POLD2: variants seen among roughly 807,000 people sequenced by gnomAD.
The protein encoded by POLD2 is DNA polymerase delta subunit 2.
Under a neutral mutation model 48.8 loss-of-function variants are expected in POLD2, and 31 were observed. The observed-to-expected ratio is 0.64, with a 90% CI of 0.48 to 0.86. The LOEUF is 0.86. POLD2 is among the 40% of genes least tolerant of loss of function. The pLI is 0.00. For missense variants in POLD2, 455 were observed against 610.1 expected, an observed-to-expected ratio of 0.75 and a Z score of 2.68; for synonymous variants, 233 against 256.3, an observed-to-expected ratio of 0.91 and a Z score of 0.87.
chr7:44,121,948 A>G lies in POLD2; in HGVS notation c.106T>C (p.Ser36Pro). 6.2e-7 allele frequency: 1 copy of G among 1,613,898 alleles called. No homozygotes were observed. The highest frequency in any genetic ancestry group is 8.5e-7 in the Non-Finnish European group (1 of 1,180,034). ...CGCTCTCCTAGCCGGAAGGGTTGTGAGGAGTTGGTGTAGGTTGCCACTGGC... is the reference window on the plus strand; with the variant it reads ...CGCTCTCCTAGCCGGAAGGGTTGTGGGGAGTTGGTGTAGGTTGCCACTGGC... ...RVPVATYTNS[S>P]QPFRLGERSF... Residue 36 changes from serine (S) to proline (P), a missense_variant, in exon 2 of 11, where the codon TCA (serine) becomes CCA (proline). Transcript: ENST00000610533. The surrounding 1 kb of genome is among the most constrained non-coding windows in gnomAD (Gnocchi z 4.5).
chr7:44,123,804 G>C (rs1005634751), upstream of POLD2: 5 of 987,820 alleles, frequency 5.1e-6, no homozygotes, highest in East Asian at 6.7e-5. Flanking sequence ...TGGGCTGACG[G>C]GGGGTGTCGG....
At chr7:44,115,738 T>C in intron 9 of POLD2, 28 bp downstream of exon 9, 2 of 1,610,838 alleles carry the variant, frequency 1.2e-6, no homozygotes, top group Non-Finnish European at 1.7e-6. Context: ...GGCCCTCTGC[T>C]CCCACCCTGT....
intron 9 of POLD2, 161 bp downstream of exon 9, chr7:44,115,605 C>T: frequency 1.2e-6 from 1 of 853,112 alleles, no homozygotes; most frequent in South Asian, 1.8e-5. Context: ...AATTAAGATT[C>T]CAGAGTAGCT....
rs2096247590 is a variant in POLD2 at position 44,121,118 on chromosome 7, A to C, written c.220+716T>G. Among the ~76,000 whole-genome samples the C allele has an allele frequency of 6.6e-6, 1 of 152,200 alleles. No individual in the cohort carries two copies. Among genetic ancestry groups the C allele is most frequent in the Admixed American group, 6.5e-5 (1 of 15,284 alleles). ...TCACCTACTAAATCCTCAGTTTAAA[A>C]ATATAATAGGAGATGGATTTGAAAA... On this transcript the variant is annotated intron_variant, in intron 2 of 10. Transcript: ENST00000610533. This position sits in a 1 kb window ranked among gnomAD's most constrained non-coding sequence, Gnocchi z 4.5.
At chr7:44,117,047 C>T (rs775120886) in intron 5 of POLD2, 32 bp from the exon 6 acceptor site, 35 of 1,610,204 alleles carry the variant, frequency 2.2e-5, no homozygotes, top group Admixed American at 1.3e-4. Context: ...TCCAGGGTGC[C>T]GAGAAGGGAG....
At position 44,117,116 on chromosome 7, in the gene POLD2, C is replaced by T. The variant is rs539335227; in HGVS notation, c.581+17G>A. ...CTGACCATGAGCTGGTTCCAGCTCC[C>T]GAGAACTGCTGCTCACCTATCTGTG... On this transcript the variant is annotated intron_variant, in intron 5 of 10. Transcript: ENST00000610533. 1.4e-5 allele frequency: 23 copies of T among 1,611,326 alleles called. No individual in the cohort carries two copies. The South Asian group carries it at 1.4e-4, about 10-fold the overall frequency.
At chr7:44,123,268 G>T in intron 1 of POLD2, 2 of 1,357,052 alleles carry the variant, frequency 1.5e-6, no homozygotes, top group Non-Finnish European at 1.9e-6. Context: ...CGTGTCTAAC[G>T]AGTGACTCGT....
At chr7:44,117,551 C>A (rs1302840444) in intron 4 of POLD2, 68 bp downstream of exon 4, 3 of 1,545,796 alleles carry the variant, frequency 1.9e-6, no homozygotes, top group Non-Finnish European at 2.6e-6. Flanking sequence ...CCCACTCACA[C>A]CATCCCTAAC....
intron 1 of POLD2, 186 bp downstream of exon 1, chr7:44,123,325 C>A: frequency 7.3e-7 from 1 of 1,365,894 alleles, no homozygotes; most frequent in Non-Finnish European, 9.4e-7. Context: ...GCAGCCAGGC[C>A]GCGCTACTCG....
Position 44,115,868 on chromosome 7 carries a change from C to T in POLD2, c.1045G>A (p.Val349Met), listed in dbSNP as rs756163235. The change falls in exon 9 of 11, where the codon GTG becomes ATG. Residue 349 changes from valine to methionine, a missense_variant. Val to Met is a conservative substitution (Grantham distance 21). This residue lies in a region of POLD2 where 8 missense variants were observed against 34.1 expected (regional missense o/e 0.23). Transcript: ENST00000610533. The part of the protein sequence containing the change: ...VRFLGTSGQN[V>M]SDIFRYSSME... ...CTGCTGTATCGGAAAATGTCACTCA[C>T]GTTCTGTCCTGATGTCCCCAAAAAT... The T allele has an allele frequency of 8.7e-6, 14 of 1,614,230 alleles. No homozygotes were observed. Among genetic ancestry groups the T allele is most frequent in the South Asian group, 2.2e-5 (2 of 91,088 alleles).
intron 1 of POLD2, 184 bp downstream of exon 1, chr7:44,123,327 C>CGCT (rs2128813324): frequency 7.3e-7 from 1 of 1,366,438 alleles, no homozygotes; most frequent in South Asian, 1.7e-5. Flanking sequence ...AGCCAGGCCG[C>CGCT]GCTACTCGGG....
At position 44,116,690 on chromosome 7, in the gene POLD2, C is replaced by T. The variant is rs1306772597; in HGVS notation, c.780+127G>A. ...GCCCCATTGCAGGAGGCCCCAGAGT[C>T]ACTGCAGGGCGCTTCCCACCGACCT... is the stretch of plus-strand genomic sequence containing the variant. On this transcript the variant is annotated intron_variant, in intron 6 of 10. Transcript: ENST00000610533. This position sits in a 1 kb window ranked among gnomAD's most constrained non-coding sequence, Gnocchi z 6.1. The T allele has an allele frequency of 3.7e-6, 4 of 1,085,376 alleles. No homozygotes were observed. The highest frequency in any genetic ancestry group is 5.4e-6 in the Non-Finnish European group (4 of 743,628). The allele number at this position is 1,085,376 out of a possible 1,614,324, so 67.2% of individuals were successfully genotyped here.
At position 44,115,239 on chromosome 7, in the gene POLD2, C is replaced by T; in HGVS notation, c.1249+56G>A. On this transcript the variant is annotated intron_variant, in intron 10 of 10. Coordinates refer to ENST00000610533, the MANE Select transcript of POLD2 (RefSeq NM_006230.4). ...AGGTTTTCTTCTCTGTGAACCTTGT[C>T]CCCAGGTGAGAGCAAATCAGCAAAT... 3 of 1,160,286 alleles carry T rather than the reference C, an allele frequency of 2.6e-6. No individual in the cohort carries two copies. The South Asian group carries it at 3.7e-5, about 14-fold the overall frequency. The allele number at this position is 1,160,286 out of a possible 1,614,324, so 71.9% of individuals were successfully genotyped here.
At chr7:44,117,871 C>T in intron 3 of POLD2, 72 bp downstream of exon 3, 2 of 1,598,198 alleles carry the variant, frequency 1.3e-6, no homozygotes, top group Non-Finnish European at 8.5e-7. Flanking sequence ...CCCACAACCC[C>T]ACCTCCAGGG....
Position 44,117,161 on chromosome 7 carries a change from T to A in POLD2, c.553A>T (p.Lys185Ter). Residue 185 changes from lysine (K) to a stop codon, truncating the protein, a stop_gained, in exon 5 of 11, where the codon AAG becomes TAG. Transcript: ENST00000610533. LOFTEE classifies it high-confidence loss of function. ...TCTGTGTCAAGTGGGGGTGCGGGCT[T>A]CTGGGGAGCAAGGTCAGCAAAGCAA... Reference protein sequence around the residue: ...DYCFADLAPQKPAPPLDTDRF... With the variant: ...DYCFADLAPQ The A allele has an allele frequency of 6.2e-7, 1 of 1,614,040 alleles. No homozygotes were observed. Among genetic ancestry groups the A allele is most frequent in the Non-Finnish European group, 8.5e-7 (1 of 1,179,948 alleles).
In POLD2 at chr7:44,116,040, C is replaced by T. The variant is rs942712457; in HGVS notation, c.1019+75G>A. 6 of 1,600,032 alleles carry T rather than the reference C, an allele frequency of 3.7e-6. No homozygotes were observed. The African/African-American group carries it at 5.4e-5, about 14-fold the overall frequency. On this transcript the variant is annotated intron_variant, in intron 8 of 10. Coordinates refer to ENST00000610533, the MANE Select transcript of POLD2 (RefSeq NM_006230.4). The surrounding 1 kb of genome is among the most constrained non-coding windows in gnomAD (Gnocchi z 6.1). ...CTGCAGCCCTGCCACCTTCCTGGGC[C>T]CTCCCTCCCCTCCCTTCTTTGTGCC...
At chr7:44,123,460 G>C in intron 1 of POLD2, 51 bp downstream of exon 1, 1 of 1,493,004 alleles carries the variant, frequency 6.7e-7, no homozygotes, top group Non-Finnish European at 8.9e-7. Flanking sequence ...CCGGCCTCGC[G>C]GCCTGGAACT....
intron 1 of POLD2, 165 bp downstream of exon 1, chr7:44,123,346 G>T: frequency 7.3e-7 from 1 of 1,379,290 alleles, no homozygotes; most frequent in Non-Finnish European, 9.3e-7. Flanking sequence ...GGATGGGGCC[G>T]AGAGCGCCCT....
At position 44,118,074 on chromosome 7, in the gene POLD2, G is replaced by A. The variant is rs775789385; in HGVS notation, c.221-10C>T. The A allele has an allele frequency of 1.9e-6, 3 of 1,613,720 alleles. No individual in the cohort carries two copies. Among genetic ancestry groups the A allele is most frequent in the South Asian group, 1.1e-5 (1 of 91,028 alleles). The stretch of plus-strand genomic sequence containing the variant: ...ACTCCCACTCCACTGCCTGGGACAC[G>A]AGGGGTACAGACTCAGAGATGAAGT... On this transcript the variant is annotated splice_polypyrimidine_tract_variant and intron_variant, in intron 2 of 10. Coordinates refer to ENST00000610533, the MANE Select transcript of POLD2 (RefSeq NM_006230.4).
Sources: gnomAD v4.1 joint callset for allele counts (sites outside exome capture counted in the v4.1 genomes callset) on GRCh38, gnomAD v4.1.1 for gene constraint, gnomAD v4.1.1 regional missense constraint, Gnocchi (gnomAD v3.1) non-coding constraint, MANE v1.5 for transcripts, NCBI Gene and HGNC (gene_info 2026-07-23, HGNC 2026-07-21) for gene names.